Variants in HTR7 observed in about 807,000 individuals in gnomAD.
The protein encoded by HTR7 is 5-HT-7.
In HTR7, 16 loss-of-function variants were observed where a neutral mutation model predicts 34.0. That is an observed-to-expected ratio of 0.47 (90% CI 0.32 to 0.71). The LOEUF (loss-of-function observed/expected upper bound fraction) is 0.71, where lower values mean the gene tolerates loss of function less well. Among genes scored for constraint, HTR7 ranks in the 30% least tolerant of loss-of-function variants. The probability of loss-of-function intolerance (pLI) is 0.04; values close to 1 mark genes in which losing one functional copy is unlikely to be tolerated. For missense variants in HTR7, 504 were observed against 625.5 expected, an observed-to-expected ratio of 0.81 and a Z score of 2.07; for synonymous variants, 265 against 260.2, an observed-to-expected ratio of 1.02 and a Z score of -0.18.
intron 1 of HTR7, among the ~76,000 whole-genome samples, chr10:90,823,249 G>T (rs920172816): frequency 6.6e-6 from 1 of 152,192 alleles, no homozygotes; most frequent in African/African-American, 2.4e-5. Flanking sequence ...CAGCCGAGGG[G>T]GCTATACCCT....
chr10:90,743,794 C>A, intron 2 of HTR7, 104 bp from the exon 3 acceptor site: 1 of 884,350 alleles, frequency 1.1e-6, no homozygotes, highest in Non-Finnish European at 1.9e-6. Context: ...TTTTATATTA[C>A]CAATCTGTGA....
chr10:90,757,710 A>G (rs752484680), intron 1 of HTR7, among the ~76,000 whole-genome samples: 90 of 152,248 alleles, frequency 5.9e-4, no homozygotes, highest in Non-Finnish European at 1.1e-3. Context: ...TAAACAACTC[A>G]TATTAAGAAT....
At chr10:90,780,208 C>T (rs140518620) in intron 1 of HTR7, among the ~76,000 whole-genome samples, 1 of 152,270 alleles carries the variant, frequency 6.6e-6, no homozygotes, top group East Asian at 1.9e-4. Flanking sequence ...TAGCAAGACC[C>T]TGTCTCTACA....
At chr10:90,756,519 C>T (rs1044151764) in intron 1 of HTR7, among the ~76,000 whole-genome samples, 1 of 152,002 alleles carries the variant, frequency 6.6e-6, no homozygotes, top group Non-Finnish European at 1.5e-5. Flanking sequence ...CAGTTAGGAA[C>T]AATAAACAAC....
intron 1 of HTR7, among the ~76,000 whole-genome samples, chr10:90,763,507 G>A (rs1470795330): frequency 6.6e-6 from 1 of 152,120 alleles, no homozygotes; most frequent in Non-Finnish European, 1.5e-5. Flanking sequence ...ATGAAGGTTT[G>A]TTACATACGT....
At chr10:90,768,124 T>C (rs1486579517) in intron 1 of HTR7, among the ~76,000 whole-genome samples, 1 of 152,186 alleles carries the variant, frequency 6.6e-6, no homozygotes, top group Non-Finnish European at 1.5e-5. Flanking sequence ...GTCCCAGAAA[T>C]CTAAGAGTCC....
At chr10:90,815,760 A>G (rs1223415312) in intron 1 of HTR7, among the ~76,000 whole-genome samples, 1 of 152,234 alleles carries the variant, frequency 6.6e-6, no homozygotes, top group Admixed American at 6.5e-5. Flanking sequence ...ATGCTAAATG[A>G]GAACCAGTAA....
At chr10:90,792,941 T>C (rs1479139334) in intron 1 of HTR7, among the ~76,000 whole-genome samples, 1 of 151,962 alleles carries the variant, frequency 6.6e-6, no homozygotes, top group Non-Finnish European at 1.5e-5. Flanking sequence ...CCTAAAACTA[T>C]AAAACTCCTA....
chr10:90,757,358 A>T (rs1844847819), intron 1 of HTR7, among the ~76,000 whole-genome samples: 1 of 152,236 alleles, frequency 6.6e-6, no homozygotes, highest in Non-Finnish European at 1.5e-5. Context: ...CCATTTTAGC[A>T]GAGTTAAGGG....
At chr10:90,809,539 A>G (rs1845766955) in intron 1 of HTR7, among the ~76,000 whole-genome samples, 1 of 152,182 alleles carries the variant, frequency 6.6e-6, no homozygotes, top group Non-Finnish European at 1.5e-5. Flanking sequence ...GGATTAATTA[A>G]CCTCGCCTTC....
intron 1 of HTR7, among the ~76,000 whole-genome samples, chr10:90,805,314 T>C (rs1845688188): frequency 6.6e-6 from 1 of 152,358 alleles, no homozygotes; most frequent in South Asian, 2.1e-4. Context: ...AAGCCAGTTA[T>C]CTAAATAACA....
chr10:90,767,165 C>G (rs1266939694), intron 1 of HTR7, among the ~76,000 whole-genome samples: 1 of 152,154 alleles, frequency 6.6e-6, no homozygotes, highest in Non-Finnish European at 1.5e-5. Flanking sequence ...AATAGGGCTA[C>G]TGGATTGGCT....
chr10:90,757,569 T>C (rs1157517426), intron 1 of HTR7, among the ~76,000 whole-genome samples: 1 of 152,158 alleles, frequency 6.6e-6, no homozygotes, highest in Non-Finnish European at 1.5e-5. Flanking sequence ...CCCGCAACCC[T>C]ACACTTCCGG....
At chr10:90,806,621 T>TAAAAAAA (rs1463196493) in intron 1 of HTR7, among the ~76,000 whole-genome samples, 1 of 136,842 alleles carries the variant, frequency 7.3e-6, no homozygotes, top group African/African-American at 3.0e-5. Context: ...ATAAAAAAAT[T>TAAAAAAA]TAAAAAATAA....
At chr10:90,752,064 C>A (rs10881829) in intron 1 of HTR7, among the ~76,000 whole-genome samples, 12,477 of 152,162 alleles carry the variant, frequency 0.082, 543 homozygotes, top group East Asian at 0.15. Context: ...TTCATAAACT[C>A]TGTTCTACAT....
intron 1 of HTR7, among the ~76,000 whole-genome samples, chr10:90,855,785 G>T (rs181924022): frequency 1.3e-5 from 2 of 152,194 alleles, no homozygotes; most frequent in Admixed American, 1.3e-4. Flanking sequence ...CTTGTTTGCT[G>T]TCAGCAGCTT....
rs369344544 is a variant in HTR7 at position 90,831,594 on chromosome 10, G to A, written c.539+25539C>T. Among the ~76,000 whole-genome samples the A allele has an allele frequency of 2.6e-3, 391 of 152,308 alleles. 1 individual carries two copies. Among genetic ancestry groups the A allele is most frequent in the Middle Eastern group, 0.01 (3 of 294 alleles). ...CAGCGGGTTGCCACTGCTGGCTCGC[G>A]CAGCCTGCTTTTATTCTCTTATCTG... On this transcript the variant is annotated intron_variant, in intron 1 of 3. Coordinates refer to ENST00000336152, the MANE Select transcript of HTR7 (RefSeq NM_019859.4).
intron 1 of HTR7, among the ~76,000 whole-genome samples, chr10:90,772,168 T>C (rs1038527525): frequency 1.5e-4 from 23 of 152,088 alleles, no homozygotes; most frequent in African/African-American, 5.6e-4. Flanking sequence ...CAGCATAATT[T>C]TTACTCTTAC....
intron 1 of HTR7, among the ~76,000 whole-genome samples, chr10:90,780,766 A>G (rs1845296234): frequency 6.6e-6 from 1 of 152,132 alleles, no homozygotes; most frequent in Non-Finnish European, 1.5e-5. Flanking sequence ...AACTCTCCAC[A>G]TGTATAAATC....
Sources: allele counts gnomAD v4.1 joint callset (sites outside exome capture counted in the v4.1 genomes callset), GRCh38; gene constraint gnomAD v4.1.1; transcripts MANE v1.5; gene names NCBI Gene and HGNC (gene_info 2026-07-23, HGNC 2026-07-21).